The following ASIC2 variants were observed in gnomAD, a reference collection of about 807,000 sequenced individuals.
ASIC2 encodes acid sensing ion channel subunit 2, also known as acid-sensing ion channel 2.
A neutral mutation model predicts 57.3 loss-of-function variants in ASIC2; 25 were observed. The observed-to-expected ratio is 0.44, with a 90% confidence interval of 0.32 to 0.61. ASIC2 has a LOEUF of 0.61. Ranked by LOEUF, ASIC2 falls within the 20% of genes least tolerant of loss-of-function variation. The pLI is 0.06. For missense variants in ASIC2, 641 were observed against 738.1 expected, an observed-to-expected ratio of 0.87 and a Z score of 1.52; for synonymous variants, 319 against 307.5, an observed-to-expected ratio of 1.04 and a Z score of -0.39.
chr17:33,036,252 A>C (rs1013351799), intron 3 of ASIC2, among the ~76,000 whole-genome samples: 5 of 152,052 alleles, frequency 3.3e-5, no homozygotes. Context: ...ACTGAGTTTC[A>C]GGAAGGTTAA....
intron 2 of ASIC2, among the ~76,000 whole-genome samples, chr17:33,096,532 G>A (rs1424886063): frequency 2.0e-5 from 3 of 152,192 alleles, no homozygotes; most frequent in Admixed American, 6.5e-5. Context: ...CAGAGTCCTC[G>A]GACACCTGTG....
chr17:33,846,625 T>C (rs1005878601), intron 1 of ASIC2, among the ~76,000 whole-genome samples: 1 of 152,182 alleles, frequency 6.6e-6, no homozygotes, highest in South Asian at 2.1e-4. Context: ...CAAAACTGGA[T>C]GTTTGCCGTT....
chr17:33,655,415 T>C (rs1297873682), intron 1 of ASIC2, among the ~76,000 whole-genome samples: 2 of 152,158 alleles, frequency 1.3e-5, no homozygotes, highest in Non-Finnish European at 2.9e-5. Context: ...TCATCCACCT[T>C]CCTAGATGTT....
At chr17:33,722,203 G>A (rs1909409308) in intron 1 of ASIC2, among the ~76,000 whole-genome samples, 1 of 152,120 alleles carries the variant, frequency 6.6e-6, no homozygotes, top group African/African-American at 2.4e-5. Flanking sequence ...GAGATCTCAT[G>A]CTTTTAAAAA....
At chr17:33,323,645 C>T (rs899170397) in intron 1 of ASIC2, among the ~76,000 whole-genome samples, 7 of 152,104 alleles carry the variant, frequency 4.6e-5, no homozygotes, top group East Asian at 1.9e-4. Flanking sequence ...ACCTGGGAGG[C>T]GGAGGTTGCA....
At chr17:33,153,354 C>G (rs555943827) in intron 1 of ASIC2, among the ~76,000 whole-genome samples, 1 of 152,282 alleles carries the variant, frequency 6.6e-6, no homozygotes, top group South Asian at 2.1e-4. Context: ...TGAGAGTGCA[C>G]TTGGGAAGGA....
chr17:33,360,833 A>G (rs1054472313), intron 1 of ASIC2, among the ~76,000 whole-genome samples: 4 of 152,182 alleles, frequency 2.6e-5, no homozygotes, highest in Non-Finnish European at 5.9e-5. Flanking sequence ...TGGAGCCCTA[A>G]CTAGAACCTG....
intron 1 of ASIC2, among the ~76,000 whole-genome samples, chr17:33,926,913 G>T (rs757044307): frequency 1.3e-5 from 2 of 152,002 alleles, no homozygotes; most frequent in Non-Finnish European, 2.9e-5. Context: ...CTGTCATCTT[G>T]GTGCTCAAAA....
chr17:33,668,881 T>C (rs4794968), intron 1 of ASIC2, among the ~76,000 whole-genome samples: 17,944 of 152,158 alleles, frequency 0.12, 1,550 homozygotes, highest in African/African-American at 0.23. Context: ...GGTAAATTCC[T>C]CGTACCCTTC....
chr17:33,548,168 A>G (rs1054780092), intron 1 of ASIC2, among the ~76,000 whole-genome samples: 6 of 152,220 alleles, frequency 3.9e-5, no homozygotes, highest in Admixed American at 3.3e-4. Context: ...CTCAAATTAC[A>G]TGAGCCGAGT....
intron 1 of ASIC2, among the ~76,000 whole-genome samples, chr17:33,386,402 A>T (rs1909678193): frequency 6.6e-6 from 1 of 152,194 alleles, no homozygotes. Flanking sequence ...AGAGTTATTC[A>T]TTCCAGTGAA....
intron 1 of ASIC2, among the ~76,000 whole-genome samples, chr17:33,554,361 T>TGG (rs1379255026): frequency 1.1e-5 from 1 of 87,542 alleles, no homozygotes; most frequent in East Asian, 3.9e-4. Flanking sequence ...TGCTTATATG[T>TGG]GTGTGTGTGT....
intron 1 of ASIC2, among the ~76,000 whole-genome samples, chr17:33,714,806 C>CTTTTTT (rs11323251): frequency 8.1e-6 from 1 of 124,108 alleles, no homozygotes; most frequent in Non-Finnish European, 1.7e-5. Flanking sequence ...ATTCTGTGAC[C>CTTTTTT]TTTTTTTTTT....
chr17:33,638,473 C>T (rs1906442867), intron 1 of ASIC2, among the ~76,000 whole-genome samples: 2 of 152,200 alleles, frequency 1.3e-5, no homozygotes, highest in African/African-American at 2.4e-5. Context: ...CAAGAATGCT[C>T]TGATCGATGA....
At chr17:33,155,009 C>T (rs1904941272) in intron 1 of ASIC2, among the ~76,000 whole-genome samples, 1 of 152,202 alleles carries the variant, frequency 6.6e-6, no homozygotes, top group Non-Finnish European at 1.5e-5. Flanking sequence ...ACCTGCGCCG[C>T]GGTGCTGAGT....
At chr17:33,245,671 C>T (rs1398004779) in intron 1 of ASIC2, among the ~76,000 whole-genome samples, 1 of 152,058 alleles carries the variant, frequency 6.6e-6, no homozygotes. Context: ...GAGCTGGGGT[C>T]CTCTATGTGA....
rs12451999 is a variant in ASIC2 at position 33,759,838 on chromosome 17, A to T, written c.555+396140T>A. 9.2e-5 allele frequency among the ~76,000 whole-genome samples: 14 copies of T among 152,268 alleles called. No homozygotes were observed. In the South Asian group the frequency reaches 2.9e-3, roughly 32 times the overall value. On this transcript the variant is annotated intron_variant, in intron 1 of 9. Transcript: ENST00000359872. ...GGATGACAGAAAGCAGAAGCTGTGGAGGCCACCCAGATTTCAAAGGATGGT... is the reference window on the plus strand; with the variant it reads ...GGATGACAGAAAGCAGAAGCTGTGGTGGCCACCCAGATTTCAAAGGATGGT...
At chr17:33,313,327 G>GAAA (rs761725027) in intron 1 of ASIC2, among the ~76,000 whole-genome samples, 1 of 139,030 alleles carries the variant, frequency 7.2e-6, no homozygotes, top group African/African-American at 2.6e-5. Context: ...AACCCTGTTT[G>GAAA]AAAAAAAAAA....
At chr17:33,620,253 A>C (rs533260467) in intron 1 of ASIC2, among the ~76,000 whole-genome samples, 19 of 151,830 alleles carry the variant, frequency 1.3e-4, no homozygotes, top group African/African-American at 3.4e-4. Context: ...AAAAAAAAAA[A>C]AAAAAAAACA....
Sources: gnomAD v4.1 joint callset for allele counts (sites outside exome capture counted in the v4.1 genomes callset) on GRCh38, gnomAD v4.1.1 for gene constraint, MANE v1.5 for transcripts, NCBI Gene and HGNC (gene_info 2026-07-23, HGNC 2026-07-21) for gene names.